The following SLC25A26 variants were observed in gnomAD, a reference collection of about 807,000 sequenced individuals.
SLC25A26 encodes mitochondrial S-adenosylmethionine carrier protein.
SLC25A26 carries 36 observed loss-of-function variants against 37.8 expected under a neutral mutation model. That is an observed-to-expected ratio of 0.95 (90% CI 0.73 to 1.26). SLC25A26 has a LOEUF of 1.26. Ranked by LOEUF, SLC25A26 falls within the 50% of genes most tolerant of loss-of-function variation. The pLI, the probability that SLC25A26 is intolerant of heterozygous loss-of-function variation, is 0.00. For missense variants in SLC25A26, 390 were observed against 331.1 expected, an observed-to-expected ratio of 1.18 and a Z score of -1.38; for synonymous variants, 129 against 122.5, an observed-to-expected ratio of 1.05 and a Z score of -0.35.
intron 9 of SLC25A26, among the ~76,000 whole-genome samples, chr3:66,375,389 C>T (rs1700587668): frequency 6.6e-6 from 1 of 152,216 alleles, no homozygotes; most frequent in African/African-American, 2.4e-5. Flanking sequence ...GTAGATGAAA[C>T]AGCCTTCGAT....
At chr3:66,200,219 T>C (rs886974129) in intron 1 of SLC25A26, among the ~76,000 whole-genome samples, 2 of 152,208 alleles carry the variant, frequency 1.3e-5, no homozygotes, top group South Asian at 2.1e-4. Context: ...TTTCCCAGGA[T>C]TCCAAACTGA....
chr3:66,377,629 A>G (rs1374872089), intron 9 of SLC25A26, 61 bp from the exon 10 acceptor site: 1 of 1,318,628 alleles, frequency 7.6e-7, no homozygotes, highest in Non-Finnish European at 1.1e-6. Context: ...AGCTGTGGGT[A>G]TTGGAATTTA....
At chr3:66,349,377 T>G (rs116212591) in intron 6 of SLC25A26, among the ~76,000 whole-genome samples, 5,640 of 152,252 alleles carry the variant, frequency 0.037, 146 homozygotes, top group Admixed American at 0.055. Context: ...TCAGTGCCCT[T>G]TCTGTACCCA....
intron 6 of SLC25A26, among the ~76,000 whole-genome samples, chr3:66,361,392 G>A (rs1421887537): frequency 6.6e-5 from 10 of 152,080 alleles, no homozygotes; most frequent in Non-Finnish European, 1.5e-5. Flanking sequence ...AGAATAATTT[G>A]GACTTCATCA....
intron 1 of SLC25A26, among the ~76,000 whole-genome samples, chr3:66,204,401 G>C (rs2071148138): frequency 7.6e-6 from 1 of 132,176 alleles, no homozygotes; most frequent in Non-Finnish European, 1.6e-5. Context: ...ACTCCAGCCT[G>C]GGCGACTGAG....
intron 8 of SLC25A26, 111 bp downstream of exon 8, chr3:66,369,653 A>C: frequency 1.1e-6 from 1 of 895,942 alleles, no homozygotes. Flanking sequence ...CTGTAATAGC[A>C]TCTTATGCTG....
At chr3:66,216,663 G>A (rs2071366400), upstream of SLC25A26, among the ~76,000 whole-genome samples, 2 of 150,768 alleles carry the variant, frequency 1.3e-5, no homozygotes, top group Non-Finnish European at 3.0e-5. Context: ...TTTGAGCTAT[G>A]TCTTTGGTTT....
At chr3:66,195,466 C>T (rs1273217048) in intron 1 of SLC25A26, among the ~76,000 whole-genome samples, 7 of 152,232 alleles carry the variant, frequency 4.6e-5, no homozygotes, top group Admixed American at 6.5e-5. Flanking sequence ...CTGCTGCATC[C>T]TCTTCTTTCC....
chr3:66,152,514 G>A lies in SLC25A26; in HGVS notation c.-354+18530G>A, dbSNP rs2070222264. Among the ~76,000 whole-genome samples, 3 of 152,162 alleles carry A rather than the reference G, an allele frequency of 2.0e-5. No individual in the cohort carries two copies. The South Asian group carries it at 6.2e-4, about 31-fold the overall frequency. On this transcript the variant is annotated intron_variant, in intron 1 of 10. Coordinates refer to the SLC25A26 transcript ENST00000676754. ...TTCTCTTGGTGCTGCCCTCCTTGGA[G>A]TGTCCTTTTCATTTTTTGGCTGACT...
Position 66,263,393 on chromosome 3 carries a change from T to C in SLC25A26, c.453+14T>C. ...GTTTTAAGAGAGGTAAGTCACTTAC[T>C]TTCCAATATTGAAGTACGAAAGAAT... On this transcript the variant is annotated intron_variant, in intron 5 of 9. Coordinates refer to ENST00000354883, the MANE Select transcript of SLC25A26 (RefSeq NM_001379210.1). The C allele has an allele frequency of 6.4e-7, 1 of 1,565,418 alleles. No individual in the cohort carries two copies. Among genetic ancestry groups the C allele is most frequent in the Non-Finnish European group, 8.8e-7 (1 of 1,137,868 alleles).
chr3:66,305,841 T>C lies in SLC25A26; in HGVS notation c.454-40523T>C, dbSNP rs187380436. Among the ~76,000 whole-genome samples the C allele has an allele frequency of 1.0e-3, 153 of 152,284 alleles. No homozygotes were observed. The Middle Eastern group carries it at 0.01, about 10-fold the overall frequency. ...CCTGTAATGGGATTGCTGGGTCAAATGGTATTTCTGGTTCTTGCTCTTTGA... is the reference window on the plus strand; with the variant it reads ...CCTGTAATGGGATTGCTGGGTCAAACGGTATTTCTGGTTCTTGCTCTTTGA... On this transcript the variant is annotated intron_variant, in intron 5 of 9. Coordinates refer to ENST00000354883, the MANE Select transcript of SLC25A26 (RefSeq NM_001379210.1).
upstream of SLC25A26, chr3:66,220,983 G>A (rs1394561144): frequency 1.0e-5 from 12 of 1,152,192 alleles, no homozygotes; most frequent in Non-Finnish European, 1.5e-5. Context: ...ACGTCACGTG[G>A]TCCCGGAAGT....
intron 5 of SLC25A26, among the ~76,000 whole-genome samples, chr3:66,325,709 C>T (rs783131): frequency 0.063 from 9,557 of 152,174 alleles, 366 homozygotes; most frequent in African/African-American, 0.11. Context: ...GCCAGTGTAG[C>T]GTAAAGCACC....
chr3:66,200,907 C>T (rs2071100203), intron 1 of SLC25A26, among the ~76,000 whole-genome samples: 1 of 152,130 alleles, frequency 6.6e-6, no homozygotes, highest in South Asian at 2.1e-4. Flanking sequence ...GGAAATATCC[C>T]TAAGATTACA....
At chr3:66,338,845 C>G (rs1221557489) in intron 5 of SLC25A26, among the ~76,000 whole-genome samples, 3 of 151,962 alleles carry the variant, frequency 2.0e-5, no homozygotes, top group Non-Finnish European at 4.4e-5. Context: ...TCTTTTATGT[C>G]TGGCTTATTT....
intron 1 of SLC25A26, among the ~76,000 whole-genome samples, chr3:66,162,158 G>C (rs578100871): frequency 6.6e-6 from 1 of 152,148 alleles, no homozygotes; most frequent in African/African-American, 2.4e-5. Flanking sequence ...TCTTCACGTG[G>C]TCTTCCCTCT....
At chr3:66,312,661 G>C (rs2075415264) in intron 5 of SLC25A26, among the ~76,000 whole-genome samples, 1 of 152,182 alleles carries the variant, frequency 6.6e-6, no homozygotes, top group African/African-American at 2.4e-5. Context: ...TCGTCTGTGG[G>C]TTGCGAAGAC....
intron 6 of SLC25A26, among the ~76,000 whole-genome samples, chr3:66,346,933 T>C (rs1339360276): frequency 6.6e-6 from 1 of 151,996 alleles, no homozygotes; most frequent in Non-Finnish European, 1.5e-5. Context: ...GGTTGCTCAC[T>C]CCAGCCAGGA....
At chr3:66,232,607 T>A (rs1576672554) in intron 1 of SLC25A26, among the ~76,000 whole-genome samples, 2 of 152,236 alleles carry the variant, frequency 1.3e-5, no homozygotes, top group African/African-American at 2.4e-5. Context: ...AACTGGAGAT[T>A]AGGGGGCATC....
Sources: allele counts gnomAD v4.1 joint callset (sites outside exome capture counted in the v4.1 genomes callset), GRCh38; gene constraint gnomAD v4.1.1; transcripts MANE v1.5; gene names NCBI Gene and HGNC (gene_info 2026-07-23, HGNC 2026-07-21).